PRKN: variants seen among roughly 807,000 people sequenced by gnomAD.
PRKN encodes E3 ubiquitin-protein ligase parkin.
In PRKN, 56 loss-of-function variants were observed where a neutral mutation model predicts 59.5. The ratio of observed to expected loss-of-function variants is 0.94; its 90% CI spans 0.76 to 1.18. PRKN has a LOEUF of 1.18. PRKN is among the 50% of genes most tolerant of loss of function. The probability of loss-of-function intolerance (pLI) is 0.00; values close to 1 mark genes in which losing one functional copy is unlikely to be tolerated. For synonymous variants in PRKN, 250 were observed against 222.1 expected (o/e 1.13, Z -1.12); for missense variants, 657 against 596.4 (o/e 1.10, Z -1.06).
At chr6:162,380,525 GTA>G (rs1227157538) in intron 2 of PRKN, among the ~76,000 whole-genome samples, 3 of 132,148 alleles carry the variant, frequency 2.3e-5, no homozygotes, top group Non-Finnish European at 3.2e-5. Flanking sequence ...ATATATATAT[GTA>G]TATATACATA....
intron 9 of PRKN, among the ~76,000 whole-genome samples, chr6:161,433,446 G>A (rs6922090): frequency 4.6e-5 from 7 of 151,982 alleles, no homozygotes; most frequent in Admixed American, 1.3e-4. Context: ...TCAGAACCTC[G>A]TTTTTAATTC....
At chr6:161,898,997 G>T (rs1402986691) in intron 6 of PRKN, among the ~76,000 whole-genome samples, 1 of 152,220 alleles carries the variant, frequency 6.6e-6, no homozygotes, top group African/African-American at 2.4e-5. Context: ...AAAGGGCAGG[G>T]AATCCAAGGG....
intron 3 of PRKN, among the ~76,000 whole-genome samples, chr6:162,228,911 C>T (rs1778302412): frequency 1.3e-5 from 2 of 152,182 alleles, no homozygotes; most frequent in Admixed American, 1.3e-4. Context: ...CCACAAGCTT[C>T]CACATGCACC....
chr6:162,544,851 A>G (rs1285161556), intron 1 of PRKN, among the ~76,000 whole-genome samples: 1 of 149,832 alleles, frequency 6.7e-6, no homozygotes, highest in Non-Finnish European at 1.5e-5. Flanking sequence ...ATATTTTTGT[A>G]TTTTTAGTAT....
At chr6:162,448,749 C>T (rs915493829) in intron 1 of PRKN, among the ~76,000 whole-genome samples, 1 of 152,068 alleles carries the variant, frequency 6.6e-6, no homozygotes, top group Non-Finnish European at 1.5e-5. Context: ...GATATGTCAT[C>T]AACTCCCAAA....
chr6:162,302,780 T>C (rs942204947), intron 2 of PRKN, among the ~76,000 whole-genome samples: 4 of 152,080 alleles, frequency 2.6e-5, no homozygotes, highest in African/African-American at 9.7e-5. Context: ...ACTCTAGATA[T>C]GTGGTAAGTT....
chr6:162,668,205 T>A (rs1269668371), intron 1 of PRKN, among the ~76,000 whole-genome samples: 2 of 152,242 alleles, frequency 1.3e-5, no homozygotes, highest in Admixed American at 1.3e-4. Context: ...TTCACAGTTA[T>A]ATTTAGAAAA....
Position 161,480,059 on chromosome 6 carries a change from C to T in PRKN, c.1083+68795G>A, listed in dbSNP as rs1158920906. Among the ~76,000 whole-genome samples, 4 of 152,180 alleles carry T rather than the reference C, an allele frequency of 2.6e-5. No homozygotes were observed. The highest frequency in any genetic ancestry group is 2.1e-4 in the South Asian group (1 of 4,830). On this transcript the variant is annotated intron_variant, in intron 9 of 11. Transcript: ENST00000366898. The surrounding 1 kb of genome is among the most constrained non-coding windows in gnomAD (Gnocchi z 4.1). The stretch of plus-strand genomic sequence containing the variant: ...GGTGAAGGTGAGCCTCTGTCAGCCT[C>T]GGCCTTGATGAGGAGGGCAGCCTTC...
chr6:162,446,319 A>C (rs1790315716), intron 1 of PRKN, among the ~76,000 whole-genome samples: 1 of 152,202 alleles, frequency 6.6e-6, no homozygotes, highest in South Asian at 2.1e-4. Flanking sequence ...ATGTGGGAAG[A>C]AGTGGCTGGA....
chr6:162,444,373 C>T (rs1409238780), intron 1 of PRKN, among the ~76,000 whole-genome samples: 1 of 152,124 alleles, frequency 6.6e-6, no homozygotes, highest in Non-Finnish European at 1.5e-5. Flanking sequence ...TCCTTTAAGT[C>T]TCACACTGTC....
chr6:161,981,523 A>G (rs1781256773), intron 5 of PRKN, among the ~76,000 whole-genome samples: 1 of 152,128 alleles, frequency 6.6e-6, no homozygotes, highest in Non-Finnish European at 1.5e-5. Context: ...TTAAAAACAA[A>G]CAGAAACTCC....
At chr6:162,469,584 C>T (rs1000715750) in intron 1 of PRKN, among the ~76,000 whole-genome samples, 1 of 151,814 alleles carries the variant, frequency 6.6e-6, no homozygotes, top group Non-Finnish European at 1.5e-5. Flanking sequence ...TTGCAGCAAC[C>T]TGGATGGGAA....
intron 2 of PRKN, among the ~76,000 whole-genome samples, chr6:162,334,093 T>C (rs1303721308): frequency 2.6e-5 from 4 of 152,138 alleles, no homozygotes; most frequent in Admixed American, 6.6e-5. Flanking sequence ...AAAGACAAGG[T>C]TGAAGCTAGC....
chr6:162,102,597 A>C (rs933918984), intron 4 of PRKN, among the ~76,000 whole-genome samples: 1 of 152,196 alleles, frequency 6.6e-6, no homozygotes. Flanking sequence ...CAAATATTTG[A>C]AAAACATACG....
chr6:162,558,658 A>C (rs1451385526), intron 1 of PRKN, among the ~76,000 whole-genome samples: 1 of 147,320 alleles, frequency 6.8e-6, no homozygotes, highest in East Asian at 2.0e-4. Context: ...TTAATTTCTT[A>C]GATGGGGTCT....
intron 2 of PRKN, among the ~76,000 whole-genome samples, chr6:162,368,335 A>G (rs530919265): frequency 1.3e-5 from 2 of 152,258 alleles, no homozygotes; most frequent in East Asian, 3.9e-4. Flanking sequence ...TGTTGAATCT[A>G]CCTGAGAAGC....
intron 7 of PRKN, among the ~76,000 whole-genome samples, chr6:161,680,726 C>CATACATATATAT (rs1785285558): frequency 7.8e-5 from 4 of 51,022 alleles, no homozygotes; most frequent in Admixed American, 6.7e-4. Context: ...TCCTGAAATA[C>CATACATATATAT]ATATATATAT....
At chr6:161,629,971 G>A (rs1414629119) in intron 7 of PRKN, among the ~76,000 whole-genome samples, 1 of 152,130 alleles carries the variant, frequency 6.6e-6, no homozygotes, top group Non-Finnish European at 1.5e-5. Context: ...ATGCTTTCAG[G>A]TTTTTCACTG....
intron 2 of PRKN, among the ~76,000 whole-genome samples, chr6:162,302,959 A>AACACACACACACACAC (rs1184692308): frequency 6.2e-5 from 3 of 48,210 alleles, no homozygotes; most frequent in Non-Finnish European, 1.0e-4. Context: ...ATATGCCTTA[A>AACACACACACACACAC]ACATACACAC....
Sources: allele counts gnomAD v4.1 joint callset (sites outside exome capture counted in the v4.1 genomes callset), GRCh38; gene constraint gnomAD v4.1.1; non-coding constraint Gnocchi (gnomAD v3.1); transcripts MANE v1.5; gene names NCBI Gene and HGNC (gene_info 2026-07-23, HGNC 2026-07-21).